The following SLC14A2 variants were observed in gnomAD, a reference collection of about 807,000 sequenced individuals.
The protein encoded by SLC14A2 is urea transporter 2.
In SLC14A2, 91 loss-of-function variants were observed where a neutral mutation model predicts 104.6. The ratio of observed to expected loss-of-function variants is 0.87; its 90% CI spans 0.73 to 1.04. SLC14A2 has a LOEUF of 1.04. Ranked by LOEUF, SLC14A2 falls within the 50% of genes least tolerant of loss-of-function variation. The pLI is 0.00. For synonymous variants in SLC14A2, 476 were observed against 466.4 expected (o/e 1.02, Z -0.27); for missense variants, 1,189 against 1,156.0 (o/e 1.03, Z -0.41).
intron 1 of SLC14A2, among the ~76,000 whole-genome samples, chr18:45,617,584 C>A (rs953060468): frequency 6.6e-6 from 1 of 152,208 alleles, no homozygotes. Context: ...GAGTAAGGCA[C>A]CTCTCAGCCC....
At chr18:45,668,631 C>A (rs916946780) in intron 15 of SLC14A2, among the ~76,000 whole-genome samples, 154 bp downstream of exon 15, 4 of 152,204 alleles carry the variant, frequency 2.6e-5, no homozygotes, top group Non-Finnish European at 5.9e-5. Context: ...TAAGTTTATA[C>A]CATGGTAGCC....
intron 1 of SLC14A2, among the ~76,000 whole-genome samples, chr18:45,361,622 G>T (rs1301333459): frequency 6.6e-6 from 1 of 152,150 alleles, no homozygotes; most frequent in African/African-American, 2.4e-5. Context: ...ACCCCAAGTG[G>T]CCCCAGAACT....
intron 1 of SLC14A2, among the ~76,000 whole-genome samples, chr18:45,346,253 T>G (rs933872087): frequency 6.6e-6 from 1 of 152,100 alleles, no homozygotes; most frequent in Non-Finnish European, 1.5e-5. Context: ...CCTCCCAGGT[T>G]CAAGCAATTC....
At chr18:45,304,710 A>C (rs914100074) in intron 1 of SLC14A2, among the ~76,000 whole-genome samples, 3 of 152,176 alleles carry the variant, frequency 2.0e-5, no homozygotes, top group African/African-American at 4.8e-5. Context: ...CTGAGTGCTG[A>C]GGAGAGAGCA....
chr18:45,513,129 G>A (rs2043390768), intron 2 of SLC14A2, among the ~76,000 whole-genome samples: 1 of 152,170 alleles, frequency 6.6e-6, no homozygotes, highest in Admixed American at 6.5e-5. Context: ...TTACCTTGAA[G>A]GTCATCAGGG....
At chr18:45,362,116 A>T (rs2085617934) in intron 1 of SLC14A2, among the ~76,000 whole-genome samples, 1 of 152,200 alleles carries the variant, frequency 6.6e-6, no homozygotes, top group Non-Finnish European at 1.5e-5. Context: ...TCATGGTTTA[A>T]AAGTGTAGCA....
At chr18:45,430,065 G>T (rs1374753311) in intron 1 of SLC14A2, among the ~76,000 whole-genome samples, 1 of 152,154 alleles carries the variant, frequency 6.6e-6, no homozygotes. Context: ...AAGCAACTCA[G>T]GTCTGGGGTG....
chr18:45,219,630 G>C (rs979200997), intron 1 of SLC14A2, among the ~76,000 whole-genome samples: 1 of 152,156 alleles, frequency 6.6e-6, no homozygotes, highest in Middle Eastern at 3.2e-3. Context: ...CCTTGTTTTC[G>C]TGCCTCTGAA....
At chr18:45,561,556 A>G (rs1191863325) in intron 2 of SLC14A2, among the ~76,000 whole-genome samples, 2 of 152,168 alleles carry the variant, frequency 1.3e-5, no homozygotes, top group African/African-American at 4.8e-5. Flanking sequence ...ACTCTACTTC[A>G]CAAACACCTA....
chr18:45,627,131 G>A lies in SLC14A2; in HGVS notation c.505G>A (p.Ala169Thr), dbSNP rs752635125. Residue 169 changes from alanine (A) to threonine (T), a missense_variant, in exon 4 of 20, where the codon GCC (alanine) becomes ACC (threonine). Physicochemically the swap from Ala to Thr is moderately conservative, Grantham distance 58. Transcript: ENST00000255226. ...GTVVSTLTAL[A>T]LGQDRSAIAS... is the part of the protein sequence containing the mutation. ...AGTGGTCTCGACCTTAACAGCTCTCGCCTTGGGCCAAGACAGGTGGGTCCC... is the reference window on the plus strand; with the variant it reads ...AGTGGTCTCGACCTTAACAGCTCTCACCTTGGGCCAAGACAGGTGGGTCCC... 3.1e-5 allele frequency: 50 copies of A among 1,614,008 alleles called. No individual in the cohort carries two copies. Among genetic ancestry groups the A allele is most frequent in the South Asian group, 9.9e-5 (9 of 91,062 alleles).
At chr18:45,219,094 C>T (rs1193198258) in intron 1 of SLC14A2, among the ~76,000 whole-genome samples, 1 of 152,090 alleles carries the variant, frequency 6.6e-6, no homozygotes, top group African/African-American at 2.4e-5. Flanking sequence ...AAGCGCTGAC[C>T]TCAGTGGATT....
At position 45,413,607 on chromosome 18, in the gene SLC14A2, A is replaced by G. The variant is rs1598774440; in HGVS notation, c.-124-69626A>G. On this transcript the variant is annotated intron_variant, in intron 1 of 20. Coordinates refer to the SLC14A2 transcript ENST00000586448. ...CAGTCAGAATTATAAGGTCATGGCA[A>G]CATTGTAGATTTGAAATTCCACTGT... Among the ~76,000 whole-genome samples the G allele has an allele frequency of 2.0e-5, 3 of 152,188 alleles. 1 individual carries two copies. The South Asian group carries it at 6.2e-4, about 31-fold the overall frequency.
rs150122573 is a variant in SLC14A2, at chr18:45,491,207, A to G, written c.-35+7885A>G. Among the ~76,000 whole-genome samples, 17 of 152,342 alleles carry G rather than the reference A, an allele frequency of 1.1e-4. No individual in the cohort carries two copies. The East Asian group carries it at 3.1e-3, about 28-fold the overall frequency. On this transcript the variant is annotated intron_variant, in intron 2 of 20. Transcript: ENST00000586448. Reference sequence around the variant, plus strand: ...TATTGAAAATTGGAAAACAATTTAAATGTTCATCAATAGAGCAATGGGAAA... The same window carrying G: ...TATTGAAAATTGGAAAACAATTTAAGTGTTCATCAATAGAGCAATGGGAAA...
At chr18:45,464,528 A>T (rs1433098682) in intron 1 of SLC14A2, among the ~76,000 whole-genome samples, 1 of 152,208 alleles carries the variant, frequency 6.6e-6, no homozygotes, top group Non-Finnish European at 1.5e-5. Flanking sequence ...TTTGAAAAAA[A>T]GAAGCAAAGA....
At chr18:45,474,265 T>A (rs649295) in intron 1 of SLC14A2, among the ~76,000 whole-genome samples, 1 of 152,240 alleles carries the variant, frequency 6.6e-6, no homozygotes, top group Non-Finnish European at 1.5e-5. Context: ...GATGTGCTGC[T>A]GGATTTGGTT....
At chr18:45,269,833 A>G (rs2084632176) in intron 1 of SLC14A2, among the ~76,000 whole-genome samples, 1 of 152,228 alleles carries the variant, frequency 6.6e-6, no homozygotes, top group African/African-American at 2.4e-5. Flanking sequence ...AAAGCTGTCA[A>G]GGCAGTTGCA....
chr18:45,592,591 C>T (rs1254169103), intron 2 of SLC14A2, among the ~76,000 whole-genome samples: 1 of 152,192 alleles, frequency 6.6e-6, no homozygotes, highest in African/African-American at 2.4e-5. Flanking sequence ...TGCTTCACAG[C>T]CAAAACACAC....
intron 1 of SLC14A2, among the ~76,000 whole-genome samples, chr18:45,616,981 C>T (rs1325178922): frequency 1.3e-5 from 2 of 152,054 alleles, no homozygotes; most frequent in Admixed American, 1.3e-4. Context: ...GCCGGTAGTC[C>T]CAGCTACTAA....
At chr18:45,250,563 C>T (rs1251900314) in intron 1 of SLC14A2, among the ~76,000 whole-genome samples, 1 of 151,812 alleles carries the variant, frequency 6.6e-6, no homozygotes, top group Non-Finnish European at 1.5e-5. Context: ...GTTCTTTCTA[C>T]TTTCTAAACA....
Sources: allele counts gnomAD v4.1 joint callset (sites outside exome capture counted in the v4.1 genomes callset), GRCh38; gene constraint gnomAD v4.1.1; transcripts MANE v1.5; gene names NCBI Gene and HGNC (gene_info 2026-07-23, HGNC 2026-07-21).